DMD: variants seen among roughly 807,000 people sequenced by gnomAD.
DMD encodes the protein mutant dystrophin.
DMD carries 63 observed loss-of-function variants against 330.1 expected under a neutral mutation model. The observed-to-expected ratio is 0.19, with a 90% confidence interval of 0.16 to 0.24. DMD has a LOEUF of 0.24. Among genes scored for constraint, DMD ranks in the 10% least tolerant of loss-of-function variants. The pLI, the probability that DMD is intolerant of heterozygous loss-of-function variation, is 1.00. For missense variants in DMD, 3,344 were observed against 2,684.1 expected, an observed-to-expected ratio of 1.25 and a Z score of -5.43; for synonymous variants, 1,223 against 959.8, an observed-to-expected ratio of 1.27 and a Z score of -5.07.
intron 50 of DMD, among the ~76,000 whole-genome samples, chrX:31,810,700 C>T (rs1002867775): frequency 8.9e-6 from 1 of 112,179 alleles, no homozygotes; most frequent in Non-Finnish European, 1.9e-5. Flanking sequence ...CTTTCGAAAT[C>T]TTGTTTCTCT....
At chrX:31,981,291 G>GA (rs2095474758) in intron 44 of DMD, among the ~76,000 whole-genome samples, 1 of 111,468 alleles carries the variant, frequency 9.0e-6, no homozygotes, top group Admixed American at 9.6e-5. Context: ...AATTTCAAGA[G>GA]AAAATGGCTC....
At chrX:31,583,810 A>G (rs1302032632) in intron 55 of DMD, among the ~76,000 whole-genome samples, 1 of 108,447 alleles carries the variant, frequency 9.2e-6, no homozygotes, top group Non-Finnish European at 1.9e-5. Context: ...CACAACGTGA[A>G]GGTTAGTTAC....
chrX:31,414,921 G>C (rs2061801969), intron 60 of DMD, among the ~76,000 whole-genome samples: 1 of 112,416 alleles, frequency 8.9e-6, no homozygotes, highest in African/African-American at 3.2e-5. Flanking sequence ...AGTTTCAAAG[G>C]TTTTCTACCA....
At chrX:31,541,116 T>C (rs749273847) in intron 55 of DMD, among the ~76,000 whole-genome samples, 112 of 111,823 alleles carry the variant, frequency 1.0e-3, no homozygotes, top group Non-Finnish European at 1.8e-3. Context: ...CAGGAGCCAC[T>C]GGCTGTAGGT....
In DMD at chrX:33,020,299, T is replaced by A. The variant is rs72470537; in HGVS notation, c.32-99A>T. On this transcript the variant is annotated intron_variant, in intron 1 of 78. Transcript: ENST00000357033. The stretch of plus-strand genomic sequence containing the variant: ...CTTTCCATTATGATGTGTTAGTGTT[T>A]TTTTACATTTAGTATTACATTCATT... The A allele has an allele frequency of 1.2e-5, 7 of 575,312 alleles. No homozygotes were observed. In the African/African-American group the frequency reaches 1.4e-4, roughly 11 times the overall value. 47.4% of individuals were successfully genotyped at this position (575,312 alleles called of 1,213,427 possible).
intron 4 of DMD, among the ~76,000 whole-genome samples, chrX:32,842,617 C>G (rs766872595): frequency 2.7e-5 from 3 of 110,783 alleles, no homozygotes; most frequent in Non-Finnish European, 5.7e-5. Flanking sequence ...GCTCTTTGTT[C>G]CCTTGTGTTC....
At position 32,463,578 on chromosome X, in the gene DMD, A is replaced by G; in HGVS notation, c.3293T>C (p.Ile1098Thr). Residue 1098 changes from isoleucine (I) to threonine (T), a missense_variant, in exon 25 of 79, where the codon ATT becomes ACT. Physicochemically the swap from Ile to Thr is moderately conservative, Grantham distance 89. Transcript: ENST00000357033. Reference sequence around the variant, plus strand: ...GTTTAGACTGGGCTGAATTGTCTGAATATCACTGACTAAAAGCTAAGAAAA... The same window carrying G: ...GTTTAGACTGGGCTGAATTGTCTGAGTATCACTGACTAAAAGCTAAGAAAA... ...LKQCRLLVSD[I>T]QTIQPSLNSV... The G allele has an allele frequency of 8.6e-7, 1 of 1,161,659 alleles. No homozygotes were observed.
intron 18 of DMD, among the ~76,000 whole-genome samples, chrX:32,502,995 AATTTAATCTAATTTTATTT>A (rs2044215710): frequency 8.9e-6 from 1 of 112,015 alleles, no homozygotes; most frequent in South Asian, 3.7e-4. Context: ...AAGAATATTT[AATTTAATCTAATTTTATTT>A]ATTTTAAATA....
chrX:31,940,312 A>G (rs762550450), intron 45 of DMD, among the ~76,000 whole-genome samples: 1 of 111,102 alleles, frequency 9.0e-6, no homozygotes, highest in African/African-American at 3.3e-5. Flanking sequence ...AGACAAGTCT[A>G]CTCATTTCTC....
intron 33 of DMD, among the ~76,000 whole-genome samples, chrX:32,386,008 A>T (rs1320952362): frequency 1.8e-5 from 2 of 110,098 alleles, no homozygotes; most frequent in Non-Finnish European, 3.8e-5. Flanking sequence ...TATCTGATGG[A>T]CCAGGAAAAA....
chrX:32,184,832 CTT>C (rs78157427), intron 44 of DMD, among the ~76,000 whole-genome samples: 1,938 of 60,598 alleles, frequency 0.032, 58 homozygotes, highest in African/African-American at 0.11. Flanking sequence ...CTACAGATGT[CTT>C]TTTTTTTTTT....
intron 3 of DMD, among the ~76,000 whole-genome samples, chrX:32,846,471 C>A (rs1370155050): frequency 9.0e-6 from 1 of 111,156 alleles, no homozygotes; most frequent in African/African-American, 3.3e-5. Flanking sequence ...ATCATTTGCA[C>A]TGCCTGCTGA....
At chrX:33,255,837 C>G (rs1035109496) in intron 1 of DMD, among the ~76,000 whole-genome samples, 5 of 111,617 alleles carry the variant, frequency 4.5e-5, no homozygotes, top group African/African-American at 1.6e-4. Context: ...ATCACATTCT[C>G]TATTAGTGAT....
chrX:33,244,220 AT>A (rs756454465), intron 1 of DMD, among the ~76,000 whole-genome samples: 2 of 111,456 alleles, frequency 1.8e-5, no homozygotes, highest in South Asian at 7.5e-4. Context: ...ATCCAGTATA[AT>A]TCTTGCTTTA....
At chrX:31,390,696 C>A (rs1443804997) in intron 60 of DMD, among the ~76,000 whole-genome samples, 1 of 111,659 alleles carries the variant, frequency 9.0e-6, no homozygotes, top group African/African-American at 3.3e-5. Flanking sequence ...CCATCTTACT[C>A]CCAGTAGTCA....
intron 17 of DMD, among the ~76,000 whole-genome samples, chrX:32,530,555 A>G (rs953768434): frequency 8.9e-6 from 1 of 112,296 alleles, no homozygotes; most frequent in Non-Finnish European, 1.9e-5. Context: ...TTTTGTTTAA[A>G]TATCTTTGAG....
chrX:33,085,200 T>C (rs774641319), intron 1 of DMD, among the ~76,000 whole-genome samples: 1 of 111,827 alleles, frequency 8.9e-6, no homozygotes, highest in East Asian at 2.8e-4. Flanking sequence ...AAATGGAATA[T>C]GGCCTGAAAA....
chrX:32,540,210 A>G lies in DMD; in HGVS notation c.2168+4949T>C, dbSNP rs184185875. Among the ~76,000 whole-genome samples, 246 of 111,337 alleles carry G rather than the reference A, an allele frequency of 2.2e-3. 2 individuals carry two copies. The highest frequency in any genetic ancestry group is 7.3e-3 in the African/African-American group (225 of 30,675). On this transcript the variant is annotated intron_variant, in intron 17 of 78. Transcript: ENST00000357033. Reference sequence around the variant, plus strand: ...GGCTGAGTTCCTTACTCTGATAATTACCTACGTGTACAATAATATCACTGA... The same window carrying G: ...GGCTGAGTTCCTTACTCTGATAATTGCCTACGTGTACAATAATATCACTGA...
At chrX:31,225,421 G>A (rs1456911951) in intron 63 of DMD, among the ~76,000 whole-genome samples, 1 of 112,373 alleles carries the variant, frequency 8.9e-6, no homozygotes, top group Non-Finnish European at 1.9e-5. Flanking sequence ...TGCAAAATAT[G>A]AAGATTGTTG....
Sources: gnomAD v4.1 joint callset for allele counts (sites outside exome capture counted in the v4.1 genomes callset) on GRCh38, gnomAD v4.1.1 for gene constraint, MANE v1.5 for transcripts, NCBI Gene and HGNC (gene_info 2026-07-23, HGNC 2026-07-21) for gene names.